Variants in TEX101 observed in about 807,000 individuals in gnomAD.
TEX101 encodes testis expressed 101.
TEX101 carries 10 observed loss-of-function variants against 18.1 expected under a neutral mutation model. The ratio of observed to expected loss-of-function variants is 0.55; its 90% confidence interval spans 0.34 to 0.94. The LOEUF is 0.94. TEX101 is among the 40% of genes least tolerant of loss of function. The pLI is 0.02. For synonymous variants in TEX101, 94 were observed against 114.8 expected (o/e 0.82, Z 1.16); for missense variants, 259 against 298.9 (o/e 0.87, Z 0.98).
At position 43,418,352 on chromosome 19, in the gene TEX101, G is replaced by A; in HGVS notation, c.705G>A (p.Gln235=). 1.2e-6 allele frequency: 2 copies of A among 1,614,126 alleles called. No homozygotes were observed. Among genetic ancestry groups the A allele is most frequent in the South Asian group, 1.1e-5 (1 of 91,086 alleles). ...TTCCCATTCCTGTTTGGGGGTTACA[G>A]CTACTGCTGCCATTGCTGCTGCCAT... ...TCLPIPVWGL[Q]LLLPLLLPSF... The change falls in exon 6 of 6, where the codon CAG becomes CAA. Residue 235 remains glutamine, a synonymous_variant. Coordinates refer to ENST00000598265, the MANE Select transcript of TEX101 (RefSeq NM_001130011.3).
the TEX101 span, among the ~76,000 whole-genome samples, chr19:43,395,024 T>C: frequency 6.6e-6 from 1 of 152,088 alleles, no homozygotes. Context: ...AGAAAAGAAG[T>C]GAAACTCAAA....
In TEX101 at chr19:43,418,031, G is replaced by GT. The variant is rs749438778; in HGVS notation, c.520+28dup. The GT allele has an allele frequency of 1.1e-5, 17 of 1,614,014 alleles. No individual in the cohort carries two copies. The Admixed American group carries it at 2.7e-4, about 25-fold the overall frequency. ...GGTAAACTGAAATGAACATCTGATA[G>GT]TTTCAGAGGCTGGAAAACCATTTGA... On this transcript the variant is annotated intron_variant, in intron 5 of 5. Transcript: ENST00000598265.
intron 2 of TEX101, chr19:43,406,081 C>CCAAAAAAAAAAAAAAAA (rs1970358959): frequency 1.7e-5 from 1 of 58,814 alleles, no homozygotes; most frequent in African/African-American, 5.6e-5. Context: ...CCTGTCTCTA[C>CCAAAAAAAAAAAAAAAA]AAAAAAAAAA....
At chr19:43,403,896 G>A (rs186765005) in intron 2 of TEX101, among the ~76,000 whole-genome samples, 164 of 152,010 alleles carry the variant, frequency 1.1e-3, no homozygotes, top group African/African-American at 3.7e-3. Context: ...AAAATTAGCC[G>A]GGCATGGTGG....
chr19:43,417,030 CAAAAAA>C (rs746528568), intron 4 of TEX101, among the ~76,000 whole-genome samples: 6 of 70,532 alleles, frequency 8.5e-5, no homozygotes, highest in African/African-American at 2.9e-4. Context: ...AAGACTCCAT[CAAAAAA>C]AAAAAAAAAA....
chr19:43,418,382 T>G lies in TEX101; in HGVS notation c.735T>G (p.Phe245Leu), dbSNP rs1970506555. 1 of 1,612,702 alleles carries G rather than the reference T, an allele frequency of 6.2e-7. No homozygotes were observed. Among genetic ancestry groups the G allele is most frequent in the Non-Finnish European group, 8.5e-7 (1 of 1,178,858 alleles). The change falls in exon 6 of 6, where the codon TTT (phenylalanine) becomes TTG (leucine). Residue 245 changes from phenylalanine (F) to leucine (L), a missense_variant. By Grantham distance (22) the Phe-to-Leu change is conservative. Coordinates refer to ENST00000598265, the MANE Select transcript of TEX101 (RefSeq NM_001130011.3). The part of the protein sequence containing the change: ...QLLLPLLLPS[F>L]IHFS ...TGCTGCCATTGCTGCTGCCATCATT[T>G]ATTCACTTTTCCTAAGAAGGCACTT...
At chr19:43,408,756 G>A (rs953614700) in intron 3 of TEX101, among the ~76,000 whole-genome samples, 6 of 152,212 alleles carry the variant, frequency 3.9e-5, no homozygotes, top group South Asian at 2.1e-4. Context: ...CAGCTTCAGC[G>A]AGGCCTCACA....
rs967953657 is a variant in TEX101 at position 43,406,400 on chromosome 19, G to A, written c.-105G>A. On this transcript the variant is annotated 5_prime_UTR_variant, in exon 3 of 8. Coordinates refer to the TEX101 transcript ENST00000602198. ...ACACCACAGCCAAGGGACAGGCTTG[G>A]CGGAACCTGCGGGAGAGAAGAACCC... is the stretch of plus-strand genomic sequence containing the variant. 5 of 717,776 alleles carry A rather than the reference G, an allele frequency of 7.0e-6. No individual in the cohort carries two copies. In the African/African-American group the frequency reaches 8.7e-5, roughly 13 times the overall value. 44.5% of individuals were successfully genotyped at this position (717,776 alleles called of 1,614,324 possible).
chr19:43,392,249 CA>C, the TEX101 span, among the ~76,000 whole-genome samples: 4 of 151,872 alleles, frequency 2.6e-5, no homozygotes, highest in Non-Finnish European at 5.9e-5. Flanking sequence ...AGGGAGAACT[CA>C]AAGAGCCAGA....
chr19:43,412,889 C>T (rs1329900811), upstream of TEX101, among the ~76,000 whole-genome samples: 1 of 152,014 alleles, frequency 6.6e-6, no homozygotes, highest in Non-Finnish European at 1.5e-5. Context: ...CTCCTGCTGC[C>T]CTCCTCCCCC....
At chr19:43,411,950 C>T (rs775443687), upstream of TEX101, among the ~76,000 whole-genome samples, 3 of 152,158 alleles carry the variant, frequency 2.0e-5, no homozygotes, top group Non-Finnish European at 4.4e-5. Context: ...AGCCACTGCA[C>T]CCAGCCTAAC....
At chr19:43,400,639 T>C (rs952936412), upstream of TEX101, among the ~76,000 whole-genome samples, 1 of 152,194 alleles carries the variant, frequency 6.6e-6, no homozygotes, top group African/African-American at 2.4e-5. Flanking sequence ...TGGAAATAAT[T>C]TTCCTCTGTG....
rs763178223 is a variant in TEX101 at position 43,418,158 on chromosome 19, T to C, written c.521-10T>C. On this transcript the variant is annotated splice_polypyrimidine_tract_variant and intron_variant, in intron 5 of 5. Coordinates refer to ENST00000598265, the MANE Select transcript of TEX101 (RefSeq NM_001130011.3). The stretch of plus-strand genomic sequence containing the variant: ...ATCTCTGTCTCTCCCGATCCTTCCT[T>C]GTTCTATAGGTGGCATTGAGTCGTC... 2.5e-6 allele frequency: 4 copies of C among 1,614,044 alleles called. No homozygotes were observed. The highest frequency in any genetic ancestry group is 3.3e-5 in the Admixed American group (2 of 60,028).
At position 43,418,321 on chromosome 19, in the gene TEX101, C is replaced by A. The variant is rs779601077; in HGVS notation, c.674C>A (p.Thr225Asn). The A allele has an allele frequency of 6.2e-7, 1 of 1,614,192 alleles. No individual in the cohort carries two copies. The highest frequency in any genetic ancestry group is 1.1e-5 in the South Asian group (1 of 91,076). The stretch of plus-strand genomic sequence containing the variant: ...CCTCGAAAGACTGAAAATGGGGCCA[C>A]CTGTCTTCCCATTCCTGTTTGGGGG... Reference protein sequence around the residue: ...TQPRKTENGATCLPIPVWGLQ... With the variant: ...TQPRKTENGANCLPIPVWGLQ... Residue 225 changes from threonine (T) to asparagine (N), a missense_variant, in exon 6 of 6, where the codon ACC becomes AAC. Thr to Asn is a moderately conservative substitution (Grantham distance 65). Coordinates refer to ENST00000598265, the MANE Select transcript of TEX101 (RefSeq NM_001130011.3).
intron 3 of TEX101, among the ~76,000 whole-genome samples, chr19:43,408,362 T>C (rs887504072): frequency 1.1e-4 from 17 of 152,072 alleles, no homozygotes; most frequent in Non-Finnish European, 1.5e-4. Context: ...CGGTGGCCCC[T>C]ATTCGAGGGG....
At chr19:43,397,842 AAATATAT>A (rs1434627515), upstream of TEX101, among the ~76,000 whole-genome samples, 8 of 110,368 alleles carry the variant, frequency 7.2e-5, no homozygotes, top group Non-Finnish European at 1.4e-4. Context: ...TATTTTATAT[AAATATAT>A]AATATATATA....
exon 3 of TEX101, chr19:43,406,483 C>T: frequency 1.3e-6 from 1 of 766,970 alleles, no homozygotes; most frequent in Non-Finnish European, 2.4e-6. Flanking sequence ...TGGGCGGTCC[C>T]GCCTCCATCT....
chr19:43,408,641 G>A (rs1021423236), intron 3 of TEX101, among the ~76,000 whole-genome samples: 41 of 152,002 alleles, frequency 2.7e-4, no homozygotes, highest in African/African-American at 9.7e-4. Context: ...TCTCCCAGAA[G>A]GGCCTGCACC....
chr19:43,413,998 C>T (rs956523065), upstream of TEX101, among the ~76,000 whole-genome samples: 1 of 151,740 alleles, frequency 6.6e-6, no homozygotes, highest in Non-Finnish European at 1.5e-5. Flanking sequence ...GTAGCTTATG[C>T]CTGTAATCCC....
Sources: gnomAD v4.1 joint callset for allele counts (sites outside exome capture counted in the v4.1 genomes callset) on GRCh38, gnomAD v4.1.1 for gene constraint, MANE v1.5 for transcripts, NCBI Gene and HGNC (gene_info 2026-07-23, HGNC 2026-07-21) for gene names.